The following NCOA3 variants were observed in gnomAD, a reference collection of about 807,000 sequenced individuals.
NCOA3 encodes nuclear receptor coactivator 3.
A neutral mutation model predicts 158.8 loss-of-function variants in NCOA3; 51 were observed. The observed-to-expected ratio is 0.32, with a 90% confidence interval of 0.26 to 0.41. The LOEUF (loss-of-function observed/expected upper bound fraction) is 0.41, where lower values mean the gene tolerates loss of function less well. Among genes scored for constraint, NCOA3 ranks in the 10% least tolerant of loss-of-function variants. The probability of loss-of-function intolerance (pLI) is 1.00; values close to 1 mark genes in which losing one functional copy is unlikely to be tolerated. For synonymous variants in NCOA3, 537 were observed against 592.4 expected, an observed-to-expected ratio of 0.91 and a Z score of 1.36; for missense variants, 1,510 against 1,746.6, an observed-to-expected ratio of 0.86 and a Z score of 2.41.
At chr20:47,504,746 G>A (rs1330964703) in intron 1 of NCOA3, among the ~76,000 whole-genome samples, 1 of 151,084 alleles carries the variant, frequency 6.6e-6, no homozygotes, top group Non-Finnish European at 1.5e-5. Flanking sequence ...GGAGGTTGCA[G>A]TGAGCCGAGA....
At chr20:47,586,721 G>A (rs2085541638) in intron 2 of NCOA3, among the ~76,000 whole-genome samples, 1 of 152,066 alleles carries the variant, frequency 6.6e-6, no homozygotes, top group Admixed American at 6.6e-5. Context: ...GCATTTTTGA[G>A]AACACAACCC....
At chr20:47,638,365 G>C (rs1341605947) in intron 13 of NCOA3, among the ~76,000 whole-genome samples, 1 of 152,156 alleles carries the variant, frequency 6.6e-6, no homozygotes. Flanking sequence ...AGCCAAGATT[G>C]CGCCACTGCA....
intron 1 of NCOA3, among the ~76,000 whole-genome samples, chr20:47,563,425 T>C (rs2085139230): frequency 6.6e-6 from 1 of 152,180 alleles, no homozygotes; most frequent in Non-Finnish European, 1.5e-5. Context: ...ATAGATAGGC[T>C]ATCTCTGTAC....
chr20:47,525,703 G>A (rs1176219949), intron 1 of NCOA3, among the ~76,000 whole-genome samples: 5 of 132,826 alleles, frequency 3.8e-5, no homozygotes, highest in Non-Finnish European at 8.0e-5. Context: ...GCGGCTGGCC[G>A]GGCGGGGGGC....
intron 2 of NCOA3, among the ~76,000 whole-genome samples, chr20:47,606,150 C>T (rs932792903): frequency 2.6e-5 from 4 of 152,274 alleles, no homozygotes; most frequent in East Asian, 1.9e-4. Flanking sequence ...GGCCCTAAAA[C>T]ATTTATTACA....
At chr20:47,571,272 G>T (rs1054827728) in intron 1 of NCOA3, among the ~76,000 whole-genome samples, 1 of 150,544 alleles carries the variant, frequency 6.6e-6, no homozygotes, top group South Asian at 2.1e-4. Context: ...CCCAAAGTAC[G>T]GGGATTACAG....
rs1302955186 is a variant in NCOA3 at position 47,560,081 on chromosome 20, T to A, written c.-98-23102T>A. On this transcript the variant is annotated intron_variant, in intron 1 of 22. Coordinates refer to ENST00000371998, the MANE Select transcript of NCOA3 (RefSeq NM_181659.3). ...AATTACAGGAGTGAGCCACCACACC[T>A]GGCCTTAATTTTTTTTTGGAGACAG... Among the ~76,000 whole-genome samples the A allele has an allele frequency of 2.0e-5, 3 of 152,174 alleles. No homozygotes were observed. In the East Asian group the frequency reaches 5.8e-4, roughly 29 times the overall value.
Position 47,655,094 on chromosome 20 carries a change from C to G in NCOA3, c.*1677C>G, listed in dbSNP as rs2086851831. On this transcript the variant is annotated 3_prime_UTR_variant, in exon 23 of 23. Coordinates refer to ENST00000371998, the MANE Select transcript of NCOA3 (RefSeq NM_181659.3). ...GTTATTTCTTAAGTAACTCAGTACCCAGAACAGCCAGTTTTACTGTGATTC... is the reference window on the plus strand; with the variant it reads ...GTTATTTCTTAAGTAACTCAGTACCGAGAACAGCCAGTTTTACTGTGATTC... The G allele has an allele frequency of 6.6e-6, 1 of 152,112 alleles. No individual in the cohort carries two copies. The highest frequency in any genetic ancestry group is 2.4e-5 in the African/African-American group (1 of 41,406). The allele number at this position is 152,112 out of a possible 1,614,324, so 9.4% of individuals were successfully genotyped here.
intron 1 of NCOA3, among the ~76,000 whole-genome samples, chr20:47,537,290 G>A (rs2084649563): frequency 6.6e-6 from 1 of 152,128 alleles, no homozygotes; most frequent in Non-Finnish European, 1.5e-5. Flanking sequence ...TTCTTTACTT[G>A]TAGCGTTGTA....
chr20:47,590,797 C>T (rs1369461423), intron 2 of NCOA3, among the ~76,000 whole-genome samples: 1 of 150,874 alleles, frequency 6.6e-6, no homozygotes, highest in East Asian at 2.0e-4. Flanking sequence ...GGCAAGAGAC[C>T]AAGACCCTGC....
intron 1 of NCOA3, among the ~76,000 whole-genome samples, chr20:47,544,239 CAA>C (rs1217627196): frequency 3.6e-5 from 5 of 139,722 alleles, no homozygotes; most frequent in Non-Finnish European, 7.9e-5. Flanking sequence ...TTATTTTGTT[CAA>C]GTTTTTTTTT....
chr20:47,522,099 C>CTTTT lies in NCOA3; in HGVS notation c.-99+20100_-99+20103dup, dbSNP rs772811888. On this transcript the variant is annotated intron_variant, in intron 1 of 22. Coordinates refer to ENST00000371998, the MANE Select transcript of NCOA3 (RefSeq NM_181659.3). ...GTTTTGTAGTTACCATTGTACAGAT[C>CTTTT]TTTTTTTTTTTTTTTTTTTTTTTGA... is the stretch of plus-strand genomic sequence containing the variant. Among the ~76,000 whole-genome samples, 233 of 76,840 alleles carry CTTTT rather than the reference C, an allele frequency of 3.0e-3. 5 individuals carry two copies. The highest frequency in any genetic ancestry group is 0.012 in the Middle Eastern group (1 of 84). 50.4% of individuals were successfully genotyped at this position (76,840 alleles called of 152,430 possible). A position where few individuals can be genotyped will look rare whatever the true frequency, so the allele number is the denominator to read the frequency against.
Position 47,635,987 on chromosome 20 carries a change from G to A in NCOA3, c.1601G>A (p.Gly534Glu), listed in dbSNP as rs767017688. Residue 534 changes from glycine to glutamate, a missense_variant, in exon 12 of 23, where the codon GGG becomes GAG. Transcript: ENST00000371998. ...SALQAISEGV[G>E]TSLLSTLSSP... ...CTGCAAGCCATCAGTGAAGGTGTGG[G>A]GACTTCCCTTTTATCTACTCTGTCA... 3 of 1,613,922 alleles carry A rather than the reference G, an allele frequency of 1.9e-6. No individual in the cohort carries two copies. The highest frequency in any genetic ancestry group is 4.5e-5 in the East Asian group (2 of 44,862).
chr20:47,644,011 T>A (rs1302388605), intron 17 of NCOA3, among the ~76,000 whole-genome samples: 3 of 152,068 alleles, frequency 2.0e-5, no homozygotes, highest in South Asian at 4.1e-4. Context: ...GTGTACTAGA[T>A]ACACTGATAT....
intron 17 of NCOA3, among the ~76,000 whole-genome samples, chr20:47,644,253 C>T (rs1021915274): frequency 1.3e-5 from 2 of 152,000 alleles, no homozygotes; most frequent in Admixed American, 1.3e-4. Context: ...CATTCTCCTG[C>T]CTCAGCCTCC....
At chr20:47,512,433 T>C (rs922418855) in intron 1 of NCOA3, among the ~76,000 whole-genome samples, 2 of 151,772 alleles carry the variant, frequency 1.3e-5, no homozygotes, top group African/African-American at 4.8e-5. Context: ...CCGGGCATGG[T>C]GGCACATGCC....
At position 47,647,297 on chromosome 20, in the gene NCOA3, C is replaced by A. The variant is rs867017066; in HGVS notation, c.3477C>A (p.Ile1159=). The A allele has an allele frequency of 5.0e-6, 8 of 1,614,194 alleles. No homozygotes were observed. Among genetic ancestry groups the A allele is most frequent in the Non-Finnish European group, 6.8e-6 (8 of 1,180,036 alleles). Residue 1159 remains isoleucine (I), a synonymous_variant, in exon 18 of 23, where the codon ATC becomes ATA. Transcript: ENST00000371998. ...PLQGMHPRAN[I]MRPRTNTPKQ... ...AAGGAATGCACCCACGAGCCAACAT[C>A]ATGAGACCCCGGACAAACACCCCCA...
Position 47,537,715 on chromosome 20 carries a change from G to A in NCOA3, c.-99+35696G>A, listed in dbSNP as rs575818436. 2.0e-5 allele frequency among the ~76,000 whole-genome samples: 3 copies of A among 152,078 alleles called. No homozygotes were observed. In the East Asian group the frequency reaches 5.8e-4, roughly 29 times the overall value. On this transcript the variant is annotated intron_variant, in intron 1 of 22. Coordinates refer to ENST00000371998, the MANE Select transcript of NCOA3 (RefSeq NM_181659.3). The stretch of plus-strand genomic sequence containing the variant: ...CTGCCTCAGCCTCCTGAGTATCTGG[G>A]ACTACAGGTCCTTGTCACCACACCC...
At position 47,639,029 on chromosome 20, in the gene NCOA3, T is replaced by G; in HGVS notation, c.2534T>G (p.Val845Gly). The G allele has an allele frequency of 6.2e-7, 1 of 1,613,084 alleles. No individual in the cohort carries two copies. The highest frequency in any genetic ancestry group is 8.5e-7 in the Non-Finnish European group (1 of 1,179,676). ...NSLGLKSSQSVQSIRPPYNRA... is the reference protein window; with the variant it reads ...NSLGLKSSQSGQSIRPPYNRA... The stretch of plus-strand genomic sequence containing the variant: ...ACAGGTTTGAAAAGTTCACAGTCTG[T>G]GCAGTCTATTCGTCCTCCATATAAC... Residue 845 changes from valine (V) to glycine (G), a missense_variant, in exon 14 of 23, where the codon GTG (valine) becomes GGG (glycine). By Grantham distance (109) the Val-to-Gly change is moderately radical (BLOSUM62 -3). Transcript: ENST00000371998.
Sources: allele counts gnomAD v4.1 joint callset (sites outside exome capture counted in the v4.1 genomes callset), GRCh38; gene constraint gnomAD v4.1.1; transcripts MANE v1.5; gene names NCBI Gene and HGNC (gene_info 2026-07-23, HGNC 2026-07-21).